LRCH1: variants seen among roughly 807,000 people sequenced by gnomAD.
The protein encoded by LRCH1 is leucine rich repeats and calponin homology domain containing 1, also known as leucine-rich repeat and calponin homology domain-containing protein 1.
A neutral mutation model predicts 94.9 loss-of-function variants in LRCH1; 23 were observed. The ratio of observed to expected loss-of-function variants is 0.24; its 90% CI spans 0.17 to 0.34. The LOEUF is 0.34. Among genes scored for constraint, LRCH1 ranks in the 10% least tolerant of loss-of-function variants. The probability of loss-of-function intolerance (pLI) is 1.00; values close to 1 mark genes in which losing one functional copy is unlikely to be tolerated. For synonymous variants in LRCH1, 364 were observed against 354.9 expected (o/e 1.03, Z -0.29); for missense variants, 790 against 945.9 (o/e 0.84, Z 2.16).
chr13:46,653,104 G>A (rs1023396982), intron 2 of LRCH1, among the ~76,000 whole-genome samples: 1 of 152,130 alleles, frequency 6.6e-6, no homozygotes. Context: ...CATGTGGTAC[G>A]TTATAAACAG....
intron 1 of LRCH1, among the ~76,000 whole-genome samples, chr13:46,595,867 G>GTTTT (rs5803355): frequency 0.012 from 1,793 of 146,394 alleles, 27 homozygotes; most frequent in South Asian, 0.034. Context: ...GCCTCACATT[G>GTTTT]TTTTTTTTTT....
rs2050929406 is a variant in LRCH1 at position 46,625,121 on chromosome 13, T to C, written c.308-25080T>C. On this transcript the variant is annotated intron_variant, in intron 1 of 19. Transcript: ENST00000389797. The stretch of plus-strand genomic sequence containing the variant: ...TTATCTGTTTGGATTCTTAACCCCC[T>C]CTCTTGCCCAAGTGCCTAGTGGCGC... Among the ~76,000 whole-genome samples the C allele has an allele frequency of 3.9e-5, 6 of 152,248 alleles. No individual in the cohort carries two copies. In the South Asian group the frequency reaches 1.2e-3, roughly 31 times the overall value.
chr13:46,567,231 A>G (rs1204930450), intron 1 of LRCH1, among the ~76,000 whole-genome samples: 2 of 152,212 alleles, frequency 1.3e-5, no homozygotes, highest in Non-Finnish European at 2.9e-5. Context: ...CTGTTTTATT[A>G]TGTAATAAGA....
intron 2 of LRCH1, among the ~76,000 whole-genome samples, chr13:46,660,722 T>C (rs1388778577): frequency 2.0e-5 from 3 of 152,208 alleles, no homozygotes; most frequent in Non-Finnish European, 2.9e-5. Flanking sequence ...TTCCTGCAAC[T>C]TAGTGCTAGA....
chr13:46,591,038 T>TAGG (rs1371312693), intron 1 of LRCH1, among the ~76,000 whole-genome samples: 2 of 152,130 alleles, frequency 1.3e-5, no homozygotes, highest in African/African-American at 4.8e-5. Context: ...GGACTCTCCT[T>TAGG]CATTTTCAAA....
At chr13:46,709,624 G>A (rs984746964) in intron 13 of LRCH1, among the ~76,000 whole-genome samples, 5 of 151,858 alleles carry the variant, frequency 3.3e-5, no homozygotes, top group Non-Finnish European at 7.4e-5. Context: ...CATGATTTCG[G>A]GAGTCCCTAG....
chr13:46,672,689 C>G (rs9534463), intron 3 of LRCH1, among the ~76,000 whole-genome samples: 80,218 of 152,114 alleles, frequency 0.53, 21,967 homozygotes, highest in South Asian at 0.62. Context: ...GCACCCTGTC[C>G]TGGCCCCAGC....
chr13:46,617,841 T>C (rs930054427), intron 1 of LRCH1, among the ~76,000 whole-genome samples: 2 of 152,218 alleles, frequency 1.3e-5, no homozygotes, highest in South Asian at 4.1e-4. Context: ...TATAATGTGG[T>C]GCCATTTCCT....
chr13:46,635,423 G>A (rs942490044), intron 1 of LRCH1, among the ~76,000 whole-genome samples: 3 of 151,638 alleles, frequency 2.0e-5, no homozygotes, highest in Non-Finnish European at 4.4e-5. Flanking sequence ...TGATGCCCCT[G>A]GGAAGGCCAC....
At position 46,583,266 on chromosome 13, in the gene LRCH1, A is replaced by G. The variant is rs547843417; in HGVS notation, c.307+29563A>G. Among the ~76,000 whole-genome samples the G allele has an allele frequency of 1.0e-3, 152 of 152,346 alleles. 1 individual carries two copies. Among genetic ancestry groups the G allele is most frequent in the African/African-American group, 3.5e-3 (144 of 41,586 alleles). On this transcript the variant is annotated intron_variant, in intron 1 of 19. Coordinates refer to ENST00000389797, the MANE Select transcript of LRCH1 (RefSeq NM_001164211.2). ...GTCCATCCTCATTCAGGCATGCTGA[A>G]AGCACTAATATTCTGTTTGCTTTTG...
rs115893449 is a variant in LRCH1, at chr13:46,652,505, A to G, written c.452+2160A>G. 3.6e-3 allele frequency among the ~76,000 whole-genome samples: 547 copies of G among 151,852 alleles called. 4 individuals carry two copies. Among genetic ancestry groups the G allele is most frequent in the African/African-American group, 0.013 (524 of 41,414 alleles). ...CTGTTAGGATTGTCTGGAGGCTCATATATCTAATCTTCACTTTTGCAGATT... is the reference window on the plus strand; with the variant it reads ...CTGTTAGGATTGTCTGGAGGCTCATGTATCTAATCTTCACTTTTGCAGATT... On this transcript the variant is annotated intron_variant, in intron 2 of 19. Coordinates refer to ENST00000389797, the MANE Select transcript of LRCH1 (RefSeq NM_001164211.2).
chr13:46,678,886 C>T (rs2051712477), intron 3 of LRCH1, among the ~76,000 whole-genome samples: 1 of 152,176 alleles, frequency 6.6e-6, no homozygotes, highest in South Asian at 2.1e-4. Flanking sequence ...GGCTTAGTTT[C>T]ATCTCATGCT....
chr13:46,723,645 C>T (rs1872687168), intron 17 of LRCH1, among the ~76,000 whole-genome samples: 1 of 152,016 alleles, frequency 6.6e-6, no homozygotes, highest in East Asian at 1.9e-4. Context: ...ACTAAAAATA[C>T]AAAAATTAGC....
intron 19 of LRCH1, among the ~76,000 whole-genome samples, chr13:46,736,118 C>CTGTGTGTG (rs3138585): frequency 0.49 from 69,898 of 141,956 alleles, 18,158 homozygotes; most frequent in Non-Finnish European, 0.57. Context: ...CAAATTTGCT[C>CTGTGTGTG]TGTGTGTGTG....
At chr13:46,660,057 G>T (rs1471823738) in intron 2 of LRCH1, among the ~76,000 whole-genome samples, 1 of 12,536 alleles carries the variant, frequency 8.0e-5, no homozygotes, top group Admixed American at 1.5e-3. Context: ...TTTGAGACAG[G>T]CTGGAGTGCA....
intron 5 of LRCH1, 59 bp downstream of exon 5, chr13:46,686,100 GGAAAATTTCCCCTTCACCCTCT>G: frequency 7.3e-7 from 1 of 1,375,394 alleles, no homozygotes; most frequent in Non-Finnish European, 9.5e-7. Flanking sequence ...AGGAGCCAAG[GGAAAATTTCCCCTTCACCCTCT>G]GAAAGTTTGC....
intron 7 of LRCH1, among the ~76,000 whole-genome samples, chr13:46,690,326 G>A (rs769904648): frequency 8.6e-5 from 13 of 151,926 alleles, no homozygotes; most frequent in Non-Finnish European, 1.9e-4. Flanking sequence ...GGGAGAGAGG[G>A]GATACTAAAC....
chr13:46,697,743 T>C (rs972226561), intron 9 of LRCH1, among the ~76,000 whole-genome samples: 1 of 152,170 alleles, frequency 6.6e-6, no homozygotes, highest in Non-Finnish European at 1.5e-5. Flanking sequence ...GCACCACGAA[T>C]ACTGGTTTTG....
At chr13:46,667,644 T>C (rs981407307) in intron 2 of LRCH1, among the ~76,000 whole-genome samples, 8 of 151,942 alleles carry the variant, frequency 5.3e-5, no homozygotes, top group African/African-American at 1.9e-4. Flanking sequence ...ACCTGCACGT[T>C]GTGCACATGT....
Sources: allele counts gnomAD v4.1 joint callset (sites outside exome capture counted in the v4.1 genomes callset), GRCh38; gene constraint gnomAD v4.1.1; transcripts MANE v1.5; gene names NCBI Gene and HGNC (gene_info 2026-07-23, HGNC 2026-07-21).